Variants in ATRNL1 observed in about 807,000 individuals in gnomAD.
ATRNL1 encodes attractin like 1.
In ATRNL1, 95 loss-of-function variants were observed where a neutral mutation model predicts 182.7. That is an observed-to-expected ratio of 0.52 (90% CI 0.44 to 0.62). The LOEUF (loss-of-function observed/expected upper bound fraction) is 0.62. Ranked by LOEUF, ATRNL1 falls within the 20% of genes least tolerant of loss-of-function variation. The pLI, the probability that ATRNL1 is intolerant of heterozygous loss-of-function variation, is 0.00. For missense variants in ATRNL1, 1,471 were observed against 1,679.5 expected (o/e 0.88, Z 2.17); for synonymous variants, 576 against 568.3 (o/e 1.01, Z -0.19).
intron 3 of ATRNL1, among the ~76,000 whole-genome samples, chr10:115,124,867 A>G (rs1253855825): frequency 2.6e-5 from 4 of 152,190 alleles, no homozygotes; most frequent in Non-Finnish European, 5.9e-5. Flanking sequence ...GTAGTCATGC[A>G]TTAGTGGGGG....
intron 8 of ATRNL1, among the ~76,000 whole-genome samples, chr10:115,201,237 A>G (rs1340574457): frequency 6.6e-6 from 1 of 151,944 alleles, no homozygotes; most frequent in Non-Finnish European, 1.5e-5. Context: ...TAGTTTAATG[A>G]GATCCCATTT....
intron 10 of ATRNL1, among the ~76,000 whole-genome samples, chr10:115,257,967 C>T (rs782386511): frequency 9.2e-5 from 14 of 152,100 alleles, no homozygotes; most frequent in African/African-American, 1.4e-4. Flanking sequence ...GGGTTTCTGC[C>T]GAGAGATCTG....
chr10:115,106,574 A>G (rs1554866006), intron 1 of ATRNL1, among the ~76,000 whole-genome samples: 1 of 152,126 alleles, frequency 6.6e-6, no homozygotes, highest in East Asian at 1.9e-4. Context: ...ATGTAAAGGA[A>G]TTACCCAGCG....
Position 115,129,324 on chromosome 10 carries a change from C to T in ATRNL1, c.621-3C>T. The T allele has an allele frequency of 6.2e-7, 1 of 1,607,982 alleles. No individual in the cohort carries two copies. ...CTGAATATATATGAATTATATTTTA[C>T]AGAATCAATTCTTGTCCTAACAATT... is the stretch of plus-strand genomic sequence containing the variant. On this transcript the variant is annotated splice_polypyrimidine_tract_variant and splice_region_variant and intron_variant, in intron 4 of 28. Coordinates refer to ENST00000355044, the MANE Select transcript of ATRNL1 (RefSeq NM_207303.4).
chr10:115,282,754 T>C (rs1852427977), intron 14 of ATRNL1, among the ~76,000 whole-genome samples: 1 of 151,712 alleles, frequency 6.6e-6, no homozygotes, highest in Admixed American at 6.6e-5. Flanking sequence ...TAACTAGGTG[T>C]TTTATTTCTG....
chr10:115,651,572 T>C (rs1555034342), intron 26 of ATRNL1, among the ~76,000 whole-genome samples: 1 of 152,152 alleles, frequency 6.6e-6, no homozygotes, highest in East Asian at 1.9e-4. Context: ...TTCATGTTTG[T>C]TTAGCTTCCT....
At chr10:115,807,028 T>C (rs576917817) in intron 27 of ATRNL1, among the ~76,000 whole-genome samples, 1 of 152,182 alleles carries the variant, frequency 6.6e-6, no homozygotes, top group Admixed American at 6.5e-5. Flanking sequence ...TATTTGCAAA[T>C]TTTGCTTTGT....
intron 3 of ATRNL1, among the ~76,000 whole-genome samples, chr10:115,123,655 G>A (rs1554872424): frequency 1.3e-5 from 2 of 152,044 alleles, no homozygotes; most frequent in African/African-American, 4.8e-5. Flanking sequence ...TACAACAAGG[G>A]TCTCCTCTCC....
intron 10 of ATRNL1, among the ~76,000 whole-genome samples, chr10:115,263,203 A>T (rs782598248): frequency 6.6e-6 from 1 of 151,896 alleles, no homozygotes; most frequent in Non-Finnish European, 1.5e-5. Context: ...GAGCTGTTGA[A>T]TTGACATTTC....
intron 8 of ATRNL1, among the ~76,000 whole-genome samples, chr10:115,213,323 G>C (rs564769722): frequency 6.6e-6 from 1 of 152,162 alleles, no homozygotes; most frequent in African/African-American, 2.4e-5. Flanking sequence ...GTGGGGAAGG[G>C]GAGTGCTTTC....
intron 26 of ATRNL1, among the ~76,000 whole-genome samples, chr10:115,588,873 A>C (rs1419184979): frequency 1.3e-5 from 2 of 152,250 alleles, no homozygotes; most frequent in Non-Finnish European, 2.9e-5. Context: ...TACCACTGCA[A>C]ATGTCCTTGG....
chr10:115,776,393 G>T (rs1479617506), intron 27 of ATRNL1, among the ~76,000 whole-genome samples: 2 of 152,306 alleles, frequency 1.3e-5, no homozygotes, highest in Non-Finnish European at 2.9e-5. Flanking sequence ...ACAGTTGCTA[G>T]ATAATCTTAC....
At chr10:115,822,140 C>A (rs1028601811) in intron 27 of ATRNL1, among the ~76,000 whole-genome samples, 4 of 152,180 alleles carry the variant, frequency 2.6e-5, no homozygotes, top group Admixed American at 2.6e-4. Flanking sequence ...CAAAACCGCA[C>A]AACTACATAG....
At chr10:115,450,681 T>C (rs1847235318) in intron 21 of ATRNL1, among the ~76,000 whole-genome samples, 1 of 152,200 alleles carries the variant, frequency 6.6e-6, no homozygotes, top group Admixed American at 6.5e-5. Flanking sequence ...GTCAGTATCA[T>C]TAAAATTGCT....
chr10:115,480,771 A>C (rs1388441084), intron 24 of ATRNL1, among the ~76,000 whole-genome samples: 1 of 151,104 alleles, frequency 6.6e-6, no homozygotes, highest in Non-Finnish European at 1.5e-5. Flanking sequence ...TATTGCCCAC[A>C]AAGCTGAAAA....
At chr10:115,812,004 A>G (rs1400299264) in intron 27 of ATRNL1, among the ~76,000 whole-genome samples, 1 of 152,144 alleles carries the variant, frequency 6.6e-6, no homozygotes, top group Non-Finnish European at 1.5e-5. Context: ...TTTTTATGGT[A>G]AAATACACAT....
intron 25 of ATRNL1, among the ~76,000 whole-genome samples, chr10:115,544,762 G>A (rs1852549927): frequency 6.6e-6 from 1 of 152,114 alleles, no homozygotes. Context: ...TGCTTCACAT[G>A]GTCATTTAAG....
chr10:115,897,133 A>G (rs1263424076), intron 28 of ATRNL1, among the ~76,000 whole-genome samples: 1 of 152,216 alleles, frequency 6.6e-6, no homozygotes, highest in Non-Finnish European at 1.5e-5. Context: ...ACATACATAC[A>G]TACATACATA....
At chr10:115,813,677 C>T (rs782186628) in intron 27 of ATRNL1, among the ~76,000 whole-genome samples, 1 of 152,092 alleles carries the variant, frequency 6.6e-6, no homozygotes, top group Non-Finnish European at 1.5e-5. Flanking sequence ...ACCATTAAAA[C>T]ATCACGTTAG....
Sources: allele counts gnomAD v4.1 joint callset (sites outside exome capture counted in the v4.1 genomes callset), GRCh38; gene constraint gnomAD v4.1.1; transcripts MANE v1.5; gene names NCBI Gene and HGNC (gene_info 2026-07-23, HGNC 2026-07-21).